MICAL3: variants seen among roughly 807,000 people sequenced by gnomAD.
MICAL3 encodes the protein microtubule associated monooxygenase, calponin and LIM domain containing 3, also known as [F-actin]-monooxygenase MICAL3.
Under a neutral mutation model 207.4 loss-of-function variants are expected in MICAL3, and 62 were observed. The ratio of observed to expected loss-of-function variants is 0.30; its 90% CI spans 0.24 to 0.37. MICAL3 has a LOEUF of 0.37. Ranked by LOEUF, MICAL3 falls within the 10% of genes least tolerant of loss-of-function variation. MICAL3 has a pLI of 1.00. For synonymous variants in MICAL3, 1,077 were observed against 1,069.3 expected, an observed-to-expected ratio of 1.01 and a Z score of -0.14; for missense variants, 2,368 against 2,635.6, an observed-to-expected ratio of 0.90 and a Z score of 2.22.
intron 1 of MICAL3, among the ~76,000 whole-genome samples, chr22:17,972,607 G>A (rs1489209723): frequency 1.3e-5 from 2 of 152,156 alleles, no homozygotes; most frequent in Admixed American, 1.3e-4. Context: ...GATTCCCACA[G>A]GTCAGGGTCC....
At chr22:17,977,134 A>G (rs1417976262) in intron 1 of MICAL3, among the ~76,000 whole-genome samples, 1 of 152,204 alleles carries the variant, frequency 6.6e-6, no homozygotes, top group Non-Finnish European at 1.5e-5. Context: ...ATCTGAAAGC[A>G]CAGAAAACTG....
At chr22:17,943,759 G>C (rs1933920092) in intron 1 of MICAL3, among the ~76,000 whole-genome samples, 1 of 152,204 alleles carries the variant, frequency 6.6e-6, no homozygotes, top group Non-Finnish European at 1.5e-5. Context: ...CAATCAGTTT[G>C]AGCTTTATGC....
At chr22:18,001,985 G>A (rs948162894) in intron 1 of MICAL3, among the ~76,000 whole-genome samples, 34 of 151,272 alleles carry the variant, frequency 2.2e-4, no homozygotes, top group Admixed American at 2.2e-3. Context: ...ATCACTTGAG[G>A]TCAAGAGTTC....
intron 1 of MICAL3, among the ~76,000 whole-genome samples, chr22:17,912,302 C>T (rs958625347): frequency 6.6e-6 from 1 of 150,864 alleles, no homozygotes; most frequent in Non-Finnish European, 1.5e-5. Context: ...TTTAGAAGGG[C>T]TGTTTTGGCT....
Position 17,825,912 on chromosome 22 carries a change from A to C in MICAL3, c.3193+1732T>G, listed in dbSNP as rs894645783. ...TCAACGATCTCTTGTACTTGAAGAG[A>C]CGCCTGCAGCTCGGGCTGGATTTGA... On this transcript the variant is annotated intron_variant, in intron 22 of 31. Coordinates refer to ENST00000441493, the MANE Select transcript of MICAL3 (RefSeq NM_015241.3). 2.0e-5 allele frequency among the ~76,000 whole-genome samples: 3 copies of C among 152,136 alleles called. No homozygotes were observed. In the East Asian group the frequency reaches 5.8e-4, roughly 29 times the overall value.
intron 17 of MICAL3, among the ~76,000 whole-genome samples, chr22:17,871,221 CTGT>C (rs1188824852): frequency 2.0e-5 from 3 of 152,216 alleles, no homozygotes; most frequent in Admixed American, 2.0e-4. Flanking sequence ...GAATTCTCTA[CTGT>C]TACCTTATCA....
chr22:17,897,454 TG>T (rs1164813720), intron 7 of MICAL3, among the ~76,000 whole-genome samples: 1 of 148,482 alleles, frequency 6.7e-6, no homozygotes, highest in African/African-American at 2.5e-5. Context: ...AAGAGGGGTT[TG>T]GGGGGTGGAT....
intron 1 of MICAL3, among the ~76,000 whole-genome samples, chr22:17,916,055 C>CAAAAAA (rs755146574): frequency 8.6e-5 from 5 of 57,826 alleles, no homozygotes; most frequent in African/African-American, 1.6e-4. Flanking sequence ...GATCCAGTCT[C>CAAAAAA]AAAAAAAAAA....
chr22:17,868,140 C>T (rs980952044), intron 17 of MICAL3, among the ~76,000 whole-genome samples: 1 of 152,174 alleles, frequency 6.6e-6, no homozygotes, highest in African/African-American at 2.4e-5. Context: ...AACACTGTCT[C>T]AACTGCTCAG....
rs764642603 is a variant in MICAL3 at position 17,950,337 on chromosome 22, G to GTTT, written c.-74-43454_-74-43452dup. On this transcript the variant is annotated intron_variant, in intron 1 of 31. Coordinates refer to ENST00000441493, the MANE Select transcript of MICAL3 (RefSeq NM_015241.3). ...CCACCACATCTGGCGTTTTGTTTTT[G>GTTT]TTTTTTTTTTTTTTTTTTTTTTTGA... 2.8e-3 allele frequency among the ~76,000 whole-genome samples: 250 copies of GTTT among 89,276 alleles called. 1 individual carries two copies. The highest frequency in any genetic ancestry group is 5.7e-3 in the East Asian group (14 of 2,440). 58.6% of individuals were successfully genotyped at this position (89,276 alleles called of 152,430 possible).
intron 28 of MICAL3, 53 bp from the exon 29 acceptor site, chr22:17,808,990 G>A: frequency 6.9e-7 from 1 of 1,447,844 alleles, no homozygotes. Flanking sequence ...TGCTTCAGGA[G>A]GACACACAAC....
At chr22:17,991,781 A>G (rs1265005673) in intron 1 of MICAL3, among the ~76,000 whole-genome samples, 1 of 152,234 alleles carries the variant, frequency 6.6e-6, no homozygotes, top group Non-Finnish European at 1.5e-5. Context: ...AAGAAGTCCT[A>G]TTAGGCCTTT....
chr22:18,009,259 G>C (rs891863178), intron 1 of MICAL3, among the ~76,000 whole-genome samples: 1 of 145,170 alleles, frequency 6.9e-6, no homozygotes, highest in African/African-American at 2.6e-5. Context: ...AAGTCTCTGG[G>C]AAACACGGCA....
intron 1 of MICAL3, among the ~76,000 whole-genome samples, chr22:17,952,663 T>C (rs1358760281): frequency 6.6e-6 from 1 of 152,218 alleles, no homozygotes; most frequent in Non-Finnish European, 1.5e-5. Context: ...CAAGGCCTGC[T>C]GCCAAGGCAG....
Position 17,964,069 on chromosome 22 carries a change from GCAGA to G in MICAL3, c.-74-57187_-74-57184del, listed in dbSNP as rs1158792236. On this transcript the variant is annotated intron_variant, in intron 1 of 31. Transcript: ENST00000441493. ...ACTTCCTTCTGGGCCTTCCCCAAAGGCAGACAAAGGTTGGTTTGCTTCCTAATCT... is the reference window on the plus strand; with the variant it reads ...ACTTCCTTCTGGGCCTTCCCCAAAGGCAAAGGTTGGTTTGCTTCCTAATCT... Among the ~76,000 whole-genome samples the G allele has an allele frequency of 1.2e-4, 18 of 152,308 alleles. No individual in the cohort carries two copies. The East Asian group carries it at 3.5e-3, about 29-fold the overall frequency.
At chr22:17,837,000 C>T (rs1242613040) in intron 20 of MICAL3, among the ~76,000 whole-genome samples, 1 of 152,200 alleles carries the variant, frequency 6.6e-6, no homozygotes, top group African/African-American at 2.4e-5. Context: ...TTTAAATTAA[C>T]CTGCTCATAA....
intron 30 of MICAL3, 45 bp downstream of exon 30, chr22:17,791,157 C>G (rs2061820405): frequency 1.2e-6 from 2 of 1,607,344 alleles, no homozygotes; most frequent in East Asian, 4.5e-5. Flanking sequence ...TCCATGCCGG[C>G]TGTGACAAGC....
Position 17,895,350 on chromosome 22 carries a change from G to C in MICAL3, c.1383C>G (p.Ser461Arg), listed in dbSNP as rs1447667745. 1 of 1,613,764 alleles carries C rather than the reference G, an allele frequency of 6.2e-7. No homozygotes were observed. The highest frequency in any genetic ancestry group is 2.2e-5 in the East Asian group (1 of 44,882). ...TTPENVSKNFSQYSIDPVTRY... is the reference protein window; with the variant it reads ...TTPENVSKNFRQYSIDPVTRY... ...GAGTGACAGGGTCGATACTGTACTG[G>C]CTGAAGTTCTTACTCACATTCTCAG... The change falls in exon 10 of 32, where the codon AGC becomes AGG. Residue 461 changes from serine (S) to arginine (R), a missense_variant. By Grantham distance (110) the Ser-to-Arg change is moderately radical. This residue lies in a region of MICAL3 where 147 missense variants were observed against 137.7 expected (regional missense o/e 1.07). Transcript: ENST00000441493.
intron 19 of MICAL3, among the ~76,000 whole-genome samples, chr22:17,854,217 C>T (rs1414930433): frequency 1.1e-5 from 1 of 93,536 alleles, no homozygotes; most frequent in African/African-American, 1.1e-4. Context: ...GTTGACACAG[C>T]TTGGGGAGGG....
Sources: allele counts gnomAD v4.1 joint callset (sites outside exome capture counted in the v4.1 genomes callset), GRCh38; gene constraint gnomAD v4.1.1; regional missense constraint gnomAD v4.1.1; transcripts MANE v1.5; gene names NCBI Gene and HGNC (gene_info 2026-07-23, HGNC 2026-07-21).